The following AGAP2 variants were observed in gnomAD, a reference collection of about 807,000 sequenced individuals.
AGAP2 encodes ArfGAP with GTPase domain, ankyrin repeat and PH domain 2.
A neutral mutation model predicts 110.9 loss-of-function variants in AGAP2; 32 were observed. The observed-to-expected ratio is 0.29, with a 90% CI of 0.22 to 0.39. AGAP2 has a LOEUF of 0.39. Among genes scored for constraint, AGAP2 ranks in the 10% least tolerant of loss-of-function variants. The pLI is 1.00. For missense variants in AGAP2, 1,285 were observed against 1,638.5 expected (o/e 0.78, Z 3.72); for synonymous variants, 702 against 713.0 (o/e 0.98, Z 0.25).
At chr12:57,732,288 T>C (rs1388732630) in intron 7 of AGAP2, 115 bp downstream of exon 7, 3 of 993,796 alleles carry the variant, frequency 3.0e-6, no homozygotes, top group South Asian at 1.6e-5. Flanking sequence ...TTCACTGCCA[T>C]TTCCATCTGT....
intron 2 of AGAP2, among the ~76,000 whole-genome samples, chr12:57,735,010 G>C (rs774635704): frequency 1.3e-5 from 2 of 151,230 alleles, no homozygotes; most frequent in Non-Finnish European, 2.9e-5. Flanking sequence ...GTGTGTCTCT[G>C]TGTGTGTGTG....
intron 12 of AGAP2, 162 bp downstream of exon 12, chr12:57,730,333 C>T: frequency 1.9e-6 from 2 of 1,062,860 alleles, no homozygotes; most frequent in South Asian, 1.6e-5. Context: ...CTTGTCTTAA[C>T]CATTATGATA....
At chr12:57,735,608 C>T (rs1954966596) in intron 1 of AGAP2, among the ~76,000 whole-genome samples, 181 bp from the exon 2 acceptor site, 1 of 152,196 alleles carries the variant, frequency 6.6e-6, no homozygotes, top group African/African-American at 2.4e-5. Flanking sequence ...AGCCACTCTC[C>T]CCCAGCTGTT....
upstream of AGAP2, among the ~76,000 whole-genome samples, chr12:57,739,126 A>C (rs1048139755): frequency 6.6e-6 from 1 of 152,004 alleles, no homozygotes; most frequent in African/African-American, 2.4e-5. Context: ...CCAACAACCT[A>C]GCCCCCTCCT....
upstream of AGAP2, chr12:57,742,152 G>A (rs1220488912): frequency 7.2e-6 from 11 of 1,518,626 alleles, no homozygotes; most frequent in South Asian, 2.4e-5. Context: ...AACCTCAGAA[G>A]GCCCCTTCTG....
upstream of AGAP2, chr12:57,741,860 T>C (rs1955079745): frequency 1.3e-5 from 21 of 1,588,404 alleles, 1 homozygote; most frequent in South Asian, 4.5e-5. Flanking sequence ...AAACCTTCTA[T>C]GCACCTGCTA....
chr12:57,734,808 C>A, intron 2 of AGAP2, 129 bp from the exon 3 acceptor site: 2 of 788,188 alleles, frequency 2.5e-6, no homozygotes, highest in Non-Finnish European at 2.1e-6. Context: ...GGATGACAGT[C>A]ATTCCAGAGA....
Position 57,728,095 on chromosome 12 carries a change from G to GGAT in AGAP2, c.2618-13_2618-11dup. ...AACTCAAAGTTTTCCTCTGAGTGGG[G>GGAT]GATGGGATGGGGTCATTAAGGGACA... On this transcript the variant is annotated splice_polypyrimidine_tract_variant and intron_variant, in intron 14 of 18. Transcript: ENST00000547588. 1 of 1,583,686 alleles carries GGAT rather than the reference G, an allele frequency of 6.3e-7. No homozygotes were observed. Among genetic ancestry groups the GGAT allele is most frequent in the South Asian group, 1.2e-5 (1 of 84,492 alleles).
chr12:57,731,914 C>T lies in AGAP2; in HGVS notation c.1848G>A (p.Pro616=), dbSNP rs35872087. ...CTCGGAGCTCCCGGTGACCAACATTCGGTGAGGACGGGAGGGAAGAAGAGT... is the reference window on the plus strand; with the variant it reads ...CTCGGAGCTCCCGGTGACCAACATTTGGTGAGGACGGGAGGGAAGAAGAGT... ...SDYSSSLPSS[P]NVGHRELRAE... The change falls in exon 8 of 19, where the codon CCG becomes CCA. Residue 616 remains proline, a synonymous_variant. Transcript: ENST00000547588. The T allele has an allele frequency of 2.6e-4, 423 of 1,613,370 alleles. 6 individuals are homozygous for T. In the Admixed American group the frequency reaches 6.4e-3, roughly 24 times the overall value.
At chr12:57,729,497 T>C in intron 13 of AGAP2, 142 bp downstream of exon 13, 1 of 1,232,196 alleles carries the variant, frequency 8.1e-7, no homozygotes, top group Non-Finnish European at 1.1e-6. Flanking sequence ...CCATCCACTC[T>C]TTCACTAAGT....
downstream of AGAP2, chr12:57,724,689 T>C (rs1954732973): frequency 6.6e-6 from 1 of 152,340 alleles, no homozygotes; most frequent in Non-Finnish European, 1.5e-5. Context: ...TGGTACCTAG[T>C]GCTCACGGTG....
chr12:57,729,853 C>T, intron 12 of AGAP2, 86 bp from the exon 13 acceptor site: 1 of 1,518,338 alleles, frequency 6.6e-7, no homozygotes, highest in South Asian at 1.3e-5. Context: ...CCTGAACTAG[C>T]TTTGGCATTT....
In AGAP2 at chr12:57,726,732, C is replaced by G; in HGVS notation, c.3399G>C (p.Gln1133His). The G allele has an allele frequency of 7.9e-7, 1 of 1,272,294 alleles. No individual in the cohort carries two copies. The highest frequency in any genetic ancestry group is 9.9e-7 in the Non-Finnish European group (1 of 1,009,904). The allele number at this position is 1,272,294 out of a possible 1,614,324, so 78.8% of individuals were successfully genotyped here. A position where few individuals can be genotyped will look rare whatever the true frequency, so the allele number is the denominator to read the frequency against. The change falls in exon 19 of 19, where the codon CAG becomes CAC. Residue 1133 changes from glutamine to histidine, a missense_variant. Physicochemically the swap from Gln to His is conservative, Grantham distance 24. Coordinates refer to ENST00000547588, the MANE Select transcript of AGAP2 (RefSeq NM_001122772.3). The surrounding 1 kb of genome is among the most constrained non-coding windows in gnomAD (Gnocchi z 5.7). ...TGTCGGCGCACAGCTGGCTTCCAGC[C>G]TGGCGGGCGTAGAACAGCGCCGTGC... ...QGRTALFYAR[Q>H]AGSQLCADIL...
chr12:57,731,850 A>G lies in AGAP2; in HGVS notation c.1912T>C (p.Ser638Pro). The G allele has an allele frequency of 6.2e-7, 1 of 1,602,026 alleles. No individual in the cohort carries two copies. ...CTGCGCTTGGCTGCCCGGTGCAGGG[A>G]CCCTGGGGTGCTCAATCCAGCCACT... is the stretch of plus-strand genomic sequence containing the variant. ...AAVAGLSTPG[S>P]LHRAAKRRTS... Residue 638 changes from serine to proline, a missense_variant, in exon 8 of 19, where the codon TCC becomes CCC. By Grantham distance (74) the Ser-to-Pro change is moderately conservative. Transcript: ENST00000547588.
Position 57,737,977 on chromosome 12 carries a change from G to A in AGAP2, c.270C>T (p.Pro90=). 7.0e-7 allele frequency: 1 copy of A among 1,437,986 alleles called. No homozygotes were observed. Among genetic ancestry groups the A allele is most frequent in the African/African-American group, 1.5e-5 (1 of 66,684 alleles). 89.1% of individuals were successfully genotyped at this position (1,437,986 alleles called of 1,614,324 possible). ...TGGCCGGAGCCGGGGACAGGGCTGG[G>A]GGCTCCGCGCCCCCGGTGCCCGCGC... ...TSSAGTGGAE[P]PALSPAPASP... The change falls in exon 1 of 19, where the codon CCC becomes CCT. Residue 90 remains proline, a synonymous_variant. Transcript: ENST00000547588. This position sits in a 1 kb window ranked among gnomAD's most constrained non-coding sequence, Gnocchi z 5.9.
At chr12:57,733,064 C>T (rs937536894) in intron 5 of AGAP2, 85 bp from the exon 6 acceptor site, 2 of 1,566,688 alleles carry the variant, frequency 1.3e-6, no homozygotes, top group African/African-American at 2.7e-5. Context: ...TGCACTGGGC[C>T]CTCAGGCTGG....
chr12:57,732,895 T>C lies in AGAP2; in HGVS notation c.1634A>G (p.Tyr545Cys), dbSNP rs746007230. 4 of 1,613,978 alleles carry C rather than the reference T, an allele frequency of 2.5e-6. No homozygotes were observed. The highest frequency in any genetic ancestry group is 1.7e-5 in the Admixed American group (1 of 60,004). Reference protein sequence around the residue: ...LCADMKRCSYYETCATYGLNV... With the variant: ...LCADMKRCSYCETCATYGLNV... ...GAGCCCATAGGTTGCACAAGTCTCA[T>C]AGTAGCTGCAGCGTTTCATGTCCGC... The change falls in exon 6 of 19, where the codon TAT becomes TGT. Residue 545 changes from tyrosine to cysteine, a missense_variant. Physicochemically the swap from Tyr to Cys is radical, Grantham distance 194. This residue lies in a region of AGAP2 where 844 missense variants were observed against 941.2 expected (regional missense o/e 0.90). Coordinates refer to ENST00000547588, the MANE Select transcript of AGAP2 (RefSeq NM_001122772.3).
Position 57,730,486 on chromosome 12 carries a change from C to G in AGAP2, c.2428+9G>C. 1.2e-6 allele frequency: 2 copies of G among 1,613,138 alleles called. No homozygotes were observed. The highest frequency in any genetic ancestry group is 1.7e-6 in the Non-Finnish European group (2 of 1,179,758). ...GGAAGACAGCAGATGGAAGGTCATC[C>G]CCACTGACCCGTGCTGAGGGCTCGG... On this transcript the variant is annotated intron_variant, in intron 12 of 18. Transcript: ENST00000547588.
rs1954870486 is a variant in AGAP2 at position 57,730,802 on chromosome 12, C to T, written c.2297G>A (p.Gly766Asp). The T allele has an allele frequency of 1.9e-6, 3 of 1,613,922 alleles. No individual in the cohort carries two copies. Among genetic ancestry groups the T allele is most frequent in the African/African-American group, 1.3e-5 (1 of 74,942 alleles). Residue 766 changes from glycine to aspartate, a missense_variant, in exon 11 of 19, where the codon GGT (glycine) becomes GAT (aspartate). Coordinates refer to ENST00000547588, the MANE Select transcript of AGAP2 (RefSeq NM_001122772.3). ...TAAACCTTACTCACCCAGGCCTTCA[C>T]CCATCTGGACAGTGCTCATGTCCTT... ...LVKDMSTVQM[G>D]EGLEATTPMP...
Sources: gnomAD v4.1 joint callset for allele counts (sites outside exome capture counted in the v4.1 genomes callset) on GRCh38, gnomAD v4.1.1 for gene constraint, gnomAD v4.1.1 regional missense constraint, Gnocchi (gnomAD v3.1) non-coding constraint, MANE v1.5 for transcripts, NCBI Gene and HGNC (gene_info 2026-07-23, HGNC 2026-07-21) for gene names.